Variants in UTRN observed in about 807,000 individuals in gnomAD.
UTRN encodes the protein dystrophin-related protein 1.
UTRN carries 283 observed loss-of-function variants against 463.9 expected under a neutral mutation model. The ratio of observed to expected loss-of-function variants is 0.61; its 90% CI spans 0.55 to 0.67. The LOEUF is 0.67. Ranked by LOEUF, UTRN falls within the 30% of genes least tolerant of loss-of-function variation. The pLI, the probability that UTRN is intolerant of heterozygous loss-of-function variation, is 0.00. For synonymous variants in UTRN, 1,442 were observed against 1,431.5 expected, an observed-to-expected ratio of 1.01 and a Z score of -0.17; for missense variants, 3,922 against 4,084.3, an observed-to-expected ratio of 0.96 and a Z score of 1.08.
intron 61 of UTRN, among the ~76,000 whole-genome samples, chr6:144,786,484 C>A (rs544121341): frequency 1.6e-4 from 25 of 152,190 alleles, no homozygotes; most frequent in African/African-American, 5.8e-4. Context: ...CAGGGTTTCA[C>A]CATGTTGGCC....
In UTRN at chr6:144,678,408, C is replaced by A. The variant is rs904208454; in HGVS notation, c.7482C>A (p.Asp2494Glu). 23 of 1,610,546 alleles carry A rather than the reference C, an allele frequency of 1.4e-5. No individual in the cohort carries two copies. Among genetic ancestry groups the A allele is most frequent in the Non-Finnish European group, 1.8e-5 (21 of 1,177,930 alleles). The change falls in exon 52 of 75, where the codon GAC becomes GAA. Residue 2494 changes from aspartate to glutamate, a missense_variant and splice_region_variant. Coordinates refer to ENST00000367545, the MANE Select transcript of UTRN (RefSeq NM_007124.3). ...LARELKQQMQ[D>E]IQAEIDAHND... The stretch of plus-strand genomic sequence containing the variant: ...TCTATTTGCTTTTTTCTGTTTAGGA[C>A]ATCCAGGCAGAAATTGATGCCCACA...
chr6:144,834,789 G>A (rs759167546), intron 69 of UTRN, among the ~76,000 whole-genome samples: 1 of 152,088 alleles, frequency 6.6e-6, no homozygotes, highest in Non-Finnish European at 1.5e-5. Flanking sequence ...AGCCCCCATC[G>A]CTTACACAGG....
At chr6:144,391,749 C>T (rs1440345485) in intron 2 of UTRN, among the ~76,000 whole-genome samples, 7 of 152,216 alleles carry the variant, frequency 4.6e-5, no homozygotes, top group Non-Finnish European at 8.8e-5. Flanking sequence ...TCACACCATT[C>T]TTCTGCCTCA....
In UTRN at chr6:144,499,306, A is replaced by G; in HGVS notation, c.4643A>G (p.Lys1548Arg). Reference sequence around the variant, plus strand: ...GAAAGAGCATCACAGTTGGCCCGGAAAATGAAGAAAGAGGCTGCTTCTCTC... The same window carrying G: ...GAAAGAGCATCACAGTTGGCCCGGAGAATGAAGAAAGAGGCTGCTTCTCTC... Reference protein sequence around the residue: ...DLERASQLARKMKKEAASLSE... With the variant: ...DLERASQLARRMKKEAASLSE... Residue 1548 changes from lysine to arginine, a missense_variant, in exon 34 of 75, where the codon AAA becomes AGA. By Grantham distance (26) the Lys-to-Arg change is conservative (BLOSUM62 2). This residue lies in a region of UTRN where 2,349 missense variants were observed against 2,303.8 expected (regional missense o/e 1.02). Coordinates refer to ENST00000367545, the MANE Select transcript of UTRN (RefSeq NM_007124.3). 1 of 1,613,602 alleles carries G rather than the reference A, an allele frequency of 6.2e-7. No homozygotes were observed.
intron 1 of UTRN, among the ~76,000 whole-genome samples, chr6:144,290,798 C>CT (rs1353905092): frequency 1.6e-5 from 2 of 121,484 alleles, no homozygotes; most frequent in African/African-American, 6.5e-5. Context: ...GAGTCTCACT[C>CT]TCGTTGCCCA....
chr6:144,338,998 T>C (rs576200169), intron 2 of UTRN, among the ~76,000 whole-genome samples: 29 of 152,342 alleles, frequency 1.9e-4, no homozygotes, highest in Admixed American at 3.3e-4. Flanking sequence ...TGTGTTTGAT[T>C]AGGGGAAATT....
chr6:144,346,891 T>C (rs561374889), intron 2 of UTRN, among the ~76,000 whole-genome samples: 1 of 152,166 alleles, frequency 6.6e-6, no homozygotes, highest in East Asian at 1.9e-4. Flanking sequence ...TCTATCTATC[T>C]ATCTATCTAT....
intron 19 of UTRN, among the ~76,000 whole-genome samples, chr6:144,456,081 T>A (rs1234960326): frequency 6.6e-6 from 1 of 151,918 alleles, no homozygotes; most frequent in African/African-American, 2.4e-5. Context: ...TTCTTTTTTG[T>A]TTTAAAGATG....
chr6:144,595,437 G>A (rs1803544757), intron 51 of UTRN, among the ~76,000 whole-genome samples: 1 of 152,216 alleles, frequency 6.6e-6, no homozygotes, highest in East Asian at 1.9e-4. Context: ...GCGGAAGAAT[G>A]TTGAATACTA....
chr6:144,833,385 T>C (rs1201724768), intron 69 of UTRN, among the ~76,000 whole-genome samples: 2 of 152,218 alleles, frequency 1.3e-5, no homozygotes, highest in East Asian at 3.8e-4. Context: ...TTTCCACCGC[T>C]GAACATGATT....
intron 72 of UTRN, among the ~76,000 whole-genome samples, chr6:144,839,831 C>A (rs1029447322): frequency 6.6e-6 from 1 of 152,044 alleles, no homozygotes; most frequent in Non-Finnish European, 1.5e-5. Flanking sequence ...AGGTGTTAAC[C>A]AATGACATTT....
intron 2 of UTRN, among the ~76,000 whole-genome samples, chr6:144,391,585 A>G (rs1401841640): frequency 6.6e-6 from 1 of 152,212 alleles, no homozygotes. Flanking sequence ...ATTCGCAAGT[A>G]GGCTCGAAAA....
At chr6:144,392,501 C>A (rs1782027471) in intron 2 of UTRN, among the ~76,000 whole-genome samples, 1 of 152,214 alleles carries the variant, frequency 6.6e-6, no homozygotes, top group East Asian at 1.9e-4. Context: ...TTCTAACATT[C>A]TAATTATGCC....
intron 61 of UTRN, among the ~76,000 whole-genome samples, chr6:144,784,378 C>T (rs1246079762): frequency 6.6e-6 from 1 of 152,118 alleles, no homozygotes. Flanking sequence ...TTTATGGAAG[C>T]CACTCTTTCT....
chr6:144,505,035 G>A (rs1179948311), intron 34 of UTRN, among the ~76,000 whole-genome samples: 1 of 152,104 alleles, frequency 6.6e-6, no homozygotes, highest in Non-Finnish European at 1.5e-5. Context: ...ACATTTTCTA[G>A]TTCATTTTTG....
Position 144,662,969 on chromosome 6 carries a change from T to C in UTRN, c.7480-15437T>C, listed in dbSNP as rs565959240. Among the ~76,000 whole-genome samples the C allele has an allele frequency of 1.6e-3, 243 of 152,316 alleles. 2 individuals carry two copies. The highest frequency in any genetic ancestry group is 5.5e-3 in the African/African-American group (230 of 41,578). ...AATGTTTGGCATGTGGTTGAGCACC[T>C]TGTCTCAGCATGTGTGATGCTGGGA... On this transcript the variant is annotated intron_variant, in intron 51 of 74. Transcript: ENST00000367545.
chr6:144,529,201 G>T (rs1796827282), intron 41 of UTRN, among the ~76,000 whole-genome samples: 1 of 152,212 alleles, frequency 6.6e-6, no homozygotes. Context: ...ACAGCATTGG[G>T]TTTATTTCCA....
rs1417109968 is a variant in UTRN, at chr6:144,448,560, C to A, written c.1903-40C>A. On this transcript the variant is annotated intron_variant, in intron 16 of 74. Coordinates refer to ENST00000367545, the MANE Select transcript of UTRN (RefSeq NM_007124.3). ...GCATGTGAATTACATCTCAATGAAG[C>A]TGTTATAAACATTGAAATTTTGGAT... is the stretch of plus-strand genomic sequence containing the variant. The A allele has an allele frequency of 5.0e-6, 8 of 1,585,970 alleles. No homozygotes were observed. In the East Asian group the frequency reaches 1.6e-4, roughly 31 times the overall value.
At chr6:144,485,351 C>G in intron 27 of UTRN, 34 bp from the exon 28 acceptor site, 2 of 1,612,916 alleles carry the variant, frequency 1.2e-6, no homozygotes, top group Non-Finnish European at 1.7e-6. Flanking sequence ...TGTGAAATGG[C>G]TTTTTGTCTA....
Sources: allele counts gnomAD v4.1 joint callset (sites outside exome capture counted in the v4.1 genomes callset), GRCh38; gene constraint gnomAD v4.1.1; regional missense constraint gnomAD v4.1.1; transcripts MANE v1.5; gene names NCBI Gene and HGNC (gene_info 2026-07-23, HGNC 2026-07-21).